The following SKIC3 variants were observed in gnomAD, a reference collection of about 807,000 sequenced individuals.
SKIC3 encodes the protein SKI3 subunit of superkiller complex.
chr5:95,540,675 T>C, the SKIC3 span: 1 of 1,613,862 alleles, frequency 6.2e-7, no homozygotes, highest in Non-Finnish European at 8.5e-7. Context: ...ACTTGAGGAA[T>C]AAATGAGTCA....
the SKIC3 span, chr5:95,522,426 A>G: frequency 1.6e-6 from 2 of 1,255,762 alleles, no homozygotes; most frequent in Admixed American, 2.3e-5. Flanking sequence ...TCTACTTATA[A>G]AAGTGCTATT....
the SKIC3 span, chr5:95,517,053 C>T: frequency 6.2e-7 from 1 of 1,613,496 alleles, no homozygotes; most frequent in Non-Finnish European, 8.5e-7. Flanking sequence ...AATGCACGAC[C>T]ATAACACCTA....
chr5:95,505,434 A>G, the SKIC3 span, among the ~76,000 whole-genome samples: 137 of 152,326 alleles, frequency 9.0e-4, no homozygotes, highest in East Asian at 0.024. Context: ...ATCTTCTAAG[A>G]TGTGCGTGCT....
the SKIC3 span, chr5:95,512,727 GTTCT>G: frequency 3.1e-6 from 4 of 1,273,422 alleles, no homozygotes; most frequent in Non-Finnish European, 4.5e-6. Context: ...ACATCTCAGT[GTTCT>G]TTAAGTCAAT....
the SKIC3 span, among the ~76,000 whole-genome samples, chr5:95,551,133 G>A: frequency 6.6e-6 from 1 of 152,032 alleles, no homozygotes; most frequent in Non-Finnish European, 1.5e-5. Flanking sequence ...ATATTAGTTT[G>A]TAATCTAATG....
chr5:95,513,576 T>C, the SKIC3 span: 5 of 1,613,482 alleles, frequency 3.1e-6, no homozygotes, highest in Admixed American at 5.0e-5. Context: ...CTTACATGCA[T>C]ATTTAGTTCT....
the SKIC3 span, among the ~76,000 whole-genome samples, chr5:95,477,995 T>A: frequency 6.6e-6 from 1 of 152,212 alleles, no homozygotes; most frequent in Non-Finnish European, 1.5e-5. Context: ...AGTAGCTAAA[T>A]TTAATTCTAA....
chr5:95,536,672 G>A, the SKIC3 span: 2 of 718,834 alleles, frequency 2.8e-6, no homozygotes, highest in African/African-American at 1.8e-5. Flanking sequence ...TATACACAAA[G>A]ACTACACATT....
the SKIC3 span, chr5:95,484,715 A>G: frequency 6.2e-7 from 1 of 1,614,090 alleles, no homozygotes; most frequent in Admixed American, 1.7e-5. Context: ...TGCACATTCC[A>G]TAAAATACCT....
the SKIC3 span, among the ~76,000 whole-genome samples, chr5:95,490,502 A>ATTT: frequency 2.2e-5 from 3 of 137,614 alleles, no homozygotes; most frequent in African/African-American, 5.8e-5. Context: ...ATATATATAT[A>ATTT]TATTTTTTTT....
chr5:95,482,603 G>T, the SKIC3 span: 1 of 1,613,986 alleles, frequency 6.2e-7, no homozygotes, highest in East Asian at 2.2e-5. Flanking sequence ...TAAGATAACG[G>T]CTGGCTGATC....
At chr5:95,512,690 A>C in the SKIC3 span, 1 of 1,547,160 alleles carries the variant, frequency 6.5e-7, no homozygotes, top group Non-Finnish European at 8.9e-7. Flanking sequence ...AAGAAGTAAA[A>C]CAATGCACTT....
chr5:95,474,054 A>C, the SKIC3 span, among the ~76,000 whole-genome samples: 1 of 152,294 alleles, frequency 6.6e-6, no homozygotes, highest in Admixed American at 6.5e-5. Flanking sequence ...TTGCATTTAA[A>C]TCTTTAATCC....
chr5:95,500,241 C>T, the SKIC3 span, among the ~76,000 whole-genome samples: 6 of 152,252 alleles, frequency 3.9e-5, no homozygotes, highest in East Asian at 1.9e-4. Flanking sequence ...TTCTCCAAAG[C>T]GGAAATTCTA....
chr5:95,527,678 C>A, the SKIC3 span, among the ~76,000 whole-genome samples: 16 of 152,150 alleles, frequency 1.1e-4, no homozygotes, highest in African/African-American at 3.6e-4. Context: ...CTTGTCAAAT[C>A]TGCAGAACAC....
the SKIC3 span, among the ~76,000 whole-genome samples, chr5:95,480,247 G>T: frequency 6.6e-6 from 1 of 151,782 alleles, no homozygotes; most frequent in Non-Finnish European, 1.5e-5. Flanking sequence ...TCAGAATTAA[G>T]AACTATTCAT....
chr5:95,534,356 C>A, the SKIC3 span, among the ~76,000 whole-genome samples: 1 of 152,146 alleles, frequency 6.6e-6, no homozygotes, highest in Admixed American at 6.5e-5. Flanking sequence ...TCCTGCCAGG[C>A]AGCTATTGCA....
At chr5:95,468,063 C>T in the SKIC3 span, 1 of 1,564,850 alleles carries the variant, frequency 6.4e-7, no homozygotes, top group Non-Finnish European at 8.7e-7. Context: ...TAATCTCACA[C>T]ACACATTATC....
chr5:95,495,391 A>G, the SKIC3 span: 1 of 198,796 alleles, frequency 5.0e-6, no homozygotes, highest in African/African-American at 2.4e-5. Context: ...TAAAACTTAC[A>G]TACTCTAGTA....
Sources: gnomAD v4.1 joint callset for allele counts (sites outside exome capture counted in the v4.1 genomes callset) on GRCh38, gnomAD v4.1.1 for gene constraint, MANE v1.5 for transcripts, NCBI Gene and HGNC (gene_info 2026-07-23, HGNC 2026-07-21) for gene names.